PAPPA2: variants seen among roughly 807,000 people sequenced by gnomAD.
PAPPA2 encodes the protein pappalysin 2, also known as pappalysin-2.
A neutral mutation model predicts 176.4 loss-of-function variants in PAPPA2; 86 were observed. That is an observed-to-expected ratio of 0.49 (90% CI 0.41 to 0.58). The LOEUF (loss-of-function observed/expected upper bound fraction) is 0.58. Ranked by LOEUF, PAPPA2 falls within the 20% of genes least tolerant of loss-of-function variation. PAPPA2 has a pLI of 0.00. For missense variants in PAPPA2, 2,073 were observed against 2,256.9 expected (o/e 0.92, Z 1.65); for synonymous variants, 809 against 852.2 (o/e 0.95, Z 0.88).
At chr1:176,834,906 G>T (rs557256041) in intron 21 of PAPPA2, among the ~76,000 whole-genome samples, 10 of 152,280 alleles carry the variant, frequency 6.6e-5, no homozygotes, top group African/African-American at 2.4e-4. Context: ...AAGAGACGGA[G>T]GTTGCAGTGA....
chr1:176,640,166 T>C (rs1299510087), intron 3 of PAPPA2, among the ~76,000 whole-genome samples: 1 of 150,518 alleles, frequency 6.6e-6, no homozygotes, highest in Non-Finnish European at 1.5e-5. Flanking sequence ...ATTTTATTTT[T>C]TATTTTTATT....
intron 2 of PAPPA2, among the ~76,000 whole-genome samples, chr1:176,558,718 C>T (rs1454366228): frequency 1.3e-5 from 2 of 152,170 alleles, no homozygotes; most frequent in Non-Finnish European, 2.9e-5. Flanking sequence ...TCCACAATTT[C>T]TCCCAGATGA....
chr1:176,796,859 C>T (rs1359730309), intron 20 of PAPPA2, among the ~76,000 whole-genome samples: 15 of 150,434 alleles, frequency 1.0e-4, no homozygotes, highest in African/African-American at 2.4e-4. Flanking sequence ...CTCTCTCCCA[C>T]GTCCTTCCTT....
intron 3 of PAPPA2, among the ~76,000 whole-genome samples, chr1:176,651,646 T>A (rs191183493): frequency 9.2e-5 from 14 of 151,762 alleles, no homozygotes; most frequent in Admixed American, 9.2e-4. Flanking sequence ...TATCTGGAAT[T>A]TTATCTCTTT....
intron 10 of PAPPA2, among the ~76,000 whole-genome samples, chr1:176,708,349 T>A (rs1660974585): frequency 6.6e-6 from 1 of 152,172 alleles, no homozygotes; most frequent in Non-Finnish European, 1.5e-5. Flanking sequence ...ATTCCATTAT[T>A]TCTCAAAATA....
chr1:176,692,538 C>A (rs1002999365), intron 6 of PAPPA2, among the ~76,000 whole-genome samples: 2 of 152,234 alleles, frequency 1.3e-5, no homozygotes, highest in Non-Finnish European at 2.9e-5. Context: ...CTCACTCCCC[C>A]CTCAGGGAGG....
Position 176,671,131 on chromosome 1 carries a change from A to T in PAPPA2, c.2137+16A>T. The T allele has an allele frequency of 6.2e-7, 1 of 1,612,214 alleles. No homozygotes were observed. The highest frequency in any genetic ancestry group is 2.2e-5 in the East Asian group (1 of 44,836). ...ACTCACCTGGGTAAGTGAAATGAAG[A>T]CCAAACATAGTAGGAAAAAAACAAA... On this transcript the variant is annotated intron_variant, in intron 4 of 22. Transcript: ENST00000367662.
At chr1:176,831,041 G>A (rs903874945) in intron 21 of PAPPA2, among the ~76,000 whole-genome samples, 1 of 152,184 alleles carries the variant, frequency 6.6e-6, no homozygotes, top group African/African-American at 2.4e-5. Flanking sequence ...GGGTCACATG[G>A]AGGACAGCAA....
chr1:176,601,735 T>C (rs997858286), intron 3 of PAPPA2, among the ~76,000 whole-genome samples: 1 of 152,238 alleles, frequency 6.6e-6, no homozygotes, highest in East Asian at 1.9e-4. Flanking sequence ...TTCCCTGTGG[T>C]ACATACTAGG....
intron 1 of PAPPA2, among the ~76,000 whole-genome samples, chr1:176,513,067 T>G (rs1157007115): frequency 6.6e-6 from 1 of 152,154 alleles, no homozygotes; most frequent in Non-Finnish European, 1.5e-5. Flanking sequence ...CCTTCAGACT[T>G]GAACTGGAAC....
At chr1:176,611,588 A>G (rs1354320166) in intron 3 of PAPPA2, among the ~76,000 whole-genome samples, 1 of 152,178 alleles carries the variant, frequency 6.6e-6, no homozygotes, top group Non-Finnish European at 1.5e-5. Flanking sequence ...CAAATTGATA[A>G]AATCACATTT....
At chr1:176,841,768 A>G (rs1363383684) in intron 22 of PAPPA2, among the ~76,000 whole-genome samples, 1 of 152,136 alleles carries the variant, frequency 6.6e-6, no homozygotes, top group East Asian at 1.9e-4. Context: ...CACCAAGTCA[A>G]AGTATATCCT....
intron 14 of PAPPA2, among the ~76,000 whole-genome samples, chr1:176,742,785 C>A (rs1662743705): frequency 1.3e-5 from 2 of 152,158 alleles, no homozygotes; most frequent in Admixed American, 1.3e-4. Context: ...AAATTCTGGG[C>A]ATAGTGAGAG....
intron 21 of PAPPA2, among the ~76,000 whole-genome samples, chr1:176,810,817 C>G (rs1050038746): frequency 3.6e-4 from 55 of 152,296 alleles, no homozygotes; most frequent in African/African-American, 1.3e-3. Flanking sequence ...GATGTACTTG[C>G]AGGTGCAGGA....
intron 2 of PAPPA2, among the ~76,000 whole-genome samples, chr1:176,564,488 C>T (rs1251316456): frequency 6.6e-6 from 1 of 152,198 alleles, no homozygotes; most frequent in Non-Finnish European, 1.5e-5. Context: ...CTAGATTTTT[C>T]TCATGAGCAG....
intron 2 of PAPPA2, among the ~76,000 whole-genome samples, chr1:176,574,550 G>C (rs2102618489): frequency 6.6e-6 from 1 of 152,248 alleles, no homozygotes; most frequent in South Asian, 2.1e-4. Context: ...CTATTTGTGG[G>C]TCTAGATCAA....
Position 176,842,701 on chromosome 1 carries a change from G to T in PAPPA2, c.*247G>T, listed in dbSNP as rs1364414484. On this transcript the variant is annotated 3_prime_UTR_variant, in exon 23 of 23. Coordinates refer to ENST00000367662, the MANE Select transcript of PAPPA2 (RefSeq NM_020318.3). ...GTGGCAGTTGATTAACATGGAAGGG[G>T]AAATATGATAGATATATAAGGACCC... 1.0e-5 allele frequency: 5 copies of T among 498,186 alleles called. No individual in the cohort carries two copies. Among genetic ancestry groups the T allele is most frequent in the Non-Finnish European group, 1.4e-5 (4 of 277,006 alleles). The allele number at this position is 498,186 out of a possible 1,614,324, so 30.9% of individuals were successfully genotyped here.
chr1:176,702,455 T>G (rs567687377), intron 8 of PAPPA2, 152 bp from the exon 9 acceptor site: 15 of 1,145,100 alleles, frequency 1.3e-5, no homozygotes. Context: ...GGGAAGACTG[T>G]GCCCTGATCT....
intron 21 of PAPPA2, among the ~76,000 whole-genome samples, chr1:176,818,694 C>T (rs1666512157): frequency 6.6e-6 from 1 of 152,192 alleles, no homozygotes; most frequent in African/African-American, 2.4e-5. Flanking sequence ...TGCCTCTTCA[C>T]AGCCTAATCC....
Sources: gnomAD v4.1 joint callset for allele counts (sites outside exome capture counted in the v4.1 genomes callset) on GRCh38, gnomAD v4.1.1 for gene constraint, MANE v1.5 for transcripts, NCBI Gene and HGNC (gene_info 2026-07-23, HGNC 2026-07-21) for gene names.